The following EDA variants were observed in gnomAD, a reference collection of about 807,000 sequenced individuals.
EDA encodes ectodysplasin A.
A neutral mutation model predicts 23.6 loss-of-function variants in EDA; 2 were observed. The observed-to-expected ratio is 0.08, with a 90% CI of 0.03 to 0.27. The LOEUF is 0.27. EDA is among the 10% of genes least tolerant of loss of function. EDA has a pLI of 1.00. For missense variants in EDA, 229 were observed against 324.2 expected (o/e 0.71, Z 2.26); for synonymous variants, 131 against 132.0 (o/e 0.99, Z 0.05).
rs1280414045 is a variant in EDA at position 70,037,561 on chromosome X, G to C, written c.*1952G>C. ...GAGGCTCAGAGAGGTAGCACTCTCA[G>C]AGTGTTTTGACCAGTTTAAGCCGCA... On this transcript the variant is annotated 3_prime_UTR_variant, in exon 8 of 8. Transcript: ENST00000374552. 4 of 112,123 alleles carry C rather than the reference G, an allele frequency of 3.6e-5. No homozygotes were observed. Among genetic ancestry groups the C allele is most frequent in the African/African-American group, 1.3e-4 (4 of 30,771 alleles). The allele number at this position is 112,123 out of a possible 1,213,427, so 9.2% of individuals were successfully genotyped here.
chrX:69,677,845 T>G (rs1391062770), intron 1 of EDA, among the ~76,000 whole-genome samples: 5 of 112,185 alleles, frequency 4.5e-5, no homozygotes, highest in East Asian at 5.6e-4. Flanking sequence ...ATTTGTCAAT[T>G]TTGGCTTTTG....
At chrX:69,702,672 C>T (rs915472397) in intron 1 of EDA, among the ~76,000 whole-genome samples, 1 of 110,366 alleles carries the variant, frequency 9.1e-6, no homozygotes, top group Non-Finnish European at 1.9e-5. Flanking sequence ...AGGAGAAAGG[C>T]GATCAGGGCG....
chrX:69,733,568 T>C (rs1439411761), intron 1 of EDA, among the ~76,000 whole-genome samples: 2 of 112,111 alleles, frequency 1.8e-5, no homozygotes, highest in African/African-American at 6.5e-5. Flanking sequence ...TTGCTTAGGA[T>C]TGTCTTGGCA....
chrX:69,787,506 G>C (rs1340858826), intron 1 of EDA, among the ~76,000 whole-genome samples: 2 of 99,326 alleles, frequency 2.0e-5, no homozygotes, highest in Non-Finnish European at 4.2e-5. Context: ...AAATCTCTCA[G>C]CATTTGCTTG....
chrX:69,864,253 C>A (rs1011152), intron 1 of EDA, among the ~76,000 whole-genome samples: 17,716 of 110,777 alleles, frequency 0.16, 1,371 homozygotes, highest in Non-Finnish European at 0.24. Context: ...AGCTGCAAGA[C>A]CTGAAGATGG....
At chrX:69,922,057 G>A (rs1202975) in intron 1 of EDA, among the ~76,000 whole-genome samples, 18,455 of 111,335 alleles carry the variant, frequency 0.17, 1,410 homozygotes, top group Non-Finnish European at 0.24. Context: ...ATAGTGAAGT[G>A]TATAGACTTT....
chrX:69,655,121 C>T (rs767275324), intron 1 of EDA, among the ~76,000 whole-genome samples: 3 of 111,944 alleles, frequency 2.7e-5, no homozygotes, highest in Admixed American at 9.4e-5. Flanking sequence ...ATAGGCTGGG[C>T]GCGGTGGCTC....
intron 1 of EDA, among the ~76,000 whole-genome samples, chrX:69,750,886 A>T (rs144310449): frequency 9.1e-6 from 1 of 110,081 alleles, no homozygotes; most frequent in African/African-American, 3.3e-5. Context: ...TTTTTTTCTT[A>T]TAAATTTGTT....
intron 1 of EDA, among the ~76,000 whole-genome samples, chrX:69,846,824 T>G (rs1002978199): frequency 9.0e-6 from 1 of 111,629 alleles, no homozygotes; most frequent in African/African-American, 3.3e-5. Context: ...TCCTTCGGTG[T>G]ACTAAAAGGG....
intron 1 of EDA, among the ~76,000 whole-genome samples, chrX:69,818,249 A>T (rs2016126680): frequency 9.0e-6 from 1 of 111,482 alleles, no homozygotes; most frequent in Non-Finnish European, 1.9e-5. Context: ...ATACCACTAA[A>T]TGCCCACATC....
chrX:69,828,847 A>G (rs2016534977), intron 1 of EDA, among the ~76,000 whole-genome samples: 1 of 112,279 alleles, frequency 8.9e-6, no homozygotes, highest in South Asian at 3.7e-4. Context: ...TTGTTACACC[A>G]TTTTGTCAAG....
rs764365241 is a variant in EDA, at chrX:69,815,003, G to A, written c.397-142024G>A. On this transcript the variant is annotated intron_variant, in intron 1 of 7. Transcript: ENST00000374552. ...TCCCAGCAAGGCAGGAAATCCGTCC[G>A]TACCTATCCCTAGGAAAGGGGCTGA... Among the ~76,000 whole-genome samples, 11 of 111,654 alleles carry A rather than the reference G, an allele frequency of 9.9e-5. 1 individual carries two copies. The South Asian group carries it at 2.7e-3, about 27-fold the overall frequency.
intron 1 of EDA, among the ~76,000 whole-genome samples, chrX:69,942,323 G>A (rs1265893952): frequency 9.0e-6 from 1 of 111,494 alleles, no homozygotes; most frequent in East Asian, 2.8e-4. Flanking sequence ...ACTTATTAAT[G>A]TTCTTTTCTT....
At chrX:69,722,191 C>T (rs1438085650) in intron 1 of EDA, among the ~76,000 whole-genome samples, 1 of 110,512 alleles carries the variant, frequency 9.0e-6, no homozygotes, top group Non-Finnish European at 1.9e-5. Flanking sequence ...TCCTTCTTTT[C>T]TTTTCTTTTT....
chrX:69,957,262 C>A, intron 2 of EDA, 130 bp downstream of exon 2: 1 of 587,397 alleles, frequency 1.7e-6, no homozygotes, highest in Non-Finnish European at 2.8e-6. Flanking sequence ...GAGGCCCACG[C>A]GGGCAGATCA....
chrX:69,881,440 T>C (rs745802851), intron 1 of EDA, among the ~76,000 whole-genome samples: 63 of 111,657 alleles, frequency 5.6e-4, no homozygotes, highest in Non-Finnish European at 3.8e-4. Context: ...TGTTGTCATC[T>C]TTCTTAAATA....
chrX:69,661,527 G>C (rs1425689136), intron 1 of EDA, among the ~76,000 whole-genome samples: 1 of 111,026 alleles, frequency 9.0e-6, no homozygotes, highest in Non-Finnish European at 1.9e-5. Flanking sequence ...TTTTGTATAT[G>C]GTGTAAGGAA....
chrX:69,616,396 GC>G lies in EDA; in HGVS notation c.92del (p.Pro31LeufsTer26). On this transcript the variant is annotated frameshift_variant, in exon 1 of 8. Coordinates refer to ENST00000374552, the MANE Select transcript of EDA (RefSeq NM_001399.5). LOFTEE classifies it high-confidence loss of function. ...GAGCCAGGGCTGCGGGTGTGGCGGG[GC>G]CCCTGCCCGGGCGGGCGAAGGGAAC... is the stretch of plus-strand genomic sequence containing the variant. ...RGSQGCGCGG[A>X]PARAGEGNSC... is the part of the protein sequence containing the mutation. 8.3e-7 allele frequency: 1 copy of G among 1,204,954 alleles called. No individual in the cohort carries two copies.
At chrX:69,676,265 A>G (rs1934076313) in intron 1 of EDA, among the ~76,000 whole-genome samples, 1 of 111,683 alleles carries the variant, frequency 9.0e-6, no homozygotes, top group Admixed American at 9.5e-5. Context: ...GGTTGAGACT[A>G]GACTGTAGCA....
Sources: gnomAD v4.1 joint callset for allele counts (sites outside exome capture counted in the v4.1 genomes callset) on GRCh38, gnomAD v4.1.1 for gene constraint, MANE v1.5 for transcripts, NCBI Gene and HGNC (gene_info 2026-07-23, HGNC 2026-07-21) for gene names.